The following SLC7A5 variants were observed in gnomAD, a reference collection of about 807,000 sequenced individuals.
SLC7A5 encodes large neutral amino acids transporter small subunit 1.
A neutral mutation model predicts 50.2 loss-of-function variants in SLC7A5; 23 were observed. That is an observed-to-expected ratio of 0.46 (90% CI 0.33 to 0.65). The LOEUF (loss-of-function observed/expected upper bound fraction) is 0.65, where lower values mean the gene tolerates loss of function less well. SLC7A5 is among the 30% of genes least tolerant of loss of function. SLC7A5 has a pLI of 0.02. For synonymous variants in SLC7A5, 393 were observed against 330.6 expected, an observed-to-expected ratio of 1.19 and a Z score of -2.05; for missense variants, 578 against 684.4, an observed-to-expected ratio of 0.84 and a Z score of 1.73.
intron 5 of SLC7A5, 90 bp from the exon 6 acceptor site, chr16:87,838,907 C>T: frequency 2.1e-6 from 2 of 949,538 alleles, no homozygotes; most frequent in Non-Finnish European, 3.4e-6. Flanking sequence ...CGGGCCAGCC[C>T]TCGCCCTCTG....
At chr16:87,858,743 G>T (rs962149885) in intron 1 of SLC7A5, among the ~76,000 whole-genome samples, 3 of 152,122 alleles carry the variant, frequency 2.0e-5, no homozygotes, top group Admixed American at 6.6e-5. Flanking sequence ...CCTGGCCAGC[G>T]TCCAAGCCAG....
At chr16:87,840,522 A>G (rs1464758469) in intron 3 of SLC7A5, 49 bp from the exon 4 acceptor site, 2 of 1,475,046 alleles carry the variant, frequency 1.4e-6, no homozygotes, top group African/African-American at 1.4e-5. Context: ...CATCAGGGAA[A>G]ATAAATCACC....
rs912759037 is a variant in SLC7A5, at chr16:87,860,729, G to A, written c.538+8156C>T. ...GTAGTGACAGATGCTGGCCCACCCC[G>A]AGGTCAGGATGACTCAGCAGGGATC... On this transcript the variant is annotated intron_variant, in intron 1 of 9. Coordinates refer to ENST00000261622, the MANE Select transcript of SLC7A5 (RefSeq NM_003486.7). The surrounding 1 kb of genome is among the most constrained non-coding windows in gnomAD (Gnocchi z 4.8). Among the ~76,000 whole-genome samples the A allele has an allele frequency of 3.9e-5, 6 of 152,220 alleles. No individual in the cohort carries two copies. The highest frequency in any genetic ancestry group is 1.2e-4 in the African/African-American group (5 of 41,460).
intron 1 of SLC7A5, among the ~76,000 whole-genome samples, chr16:87,864,120 T>A (rs974725585): frequency 4.0e-5 from 6 of 149,574 alleles, no homozygotes; most frequent in Non-Finnish European, 7.4e-5. Flanking sequence ...GGAGAAACCC[T>A]GTCTCTACTA....
intron 1 of SLC7A5, among the ~76,000 whole-genome samples, chr16:87,855,306 C>T (rs769920253): frequency 5.3e-5 from 8 of 152,024 alleles, no homozygotes; most frequent in Admixed American, 1.3e-4. Context: ...GGGGTGGGGC[C>T]GGCAGTGATA....
chr16:87,864,243 G>C (rs1320772849), intron 1 of SLC7A5, among the ~76,000 whole-genome samples: 4 of 151,626 alleles, frequency 2.6e-5, no homozygotes, highest in Admixed American at 6.6e-5. Flanking sequence ...AGTGAGCCGA[G>C]ATCGTGCCAT....
chr16:87,857,663 A>T (rs2055338062), intron 1 of SLC7A5, among the ~76,000 whole-genome samples: 1 of 152,214 alleles, frequency 6.6e-6, no homozygotes, highest in African/African-American at 2.4e-5. Context: ...CCGGACATAC[A>T]GATGTCCCTG....
chr16:87,850,819 C>T lies in SLC7A5; in HGVS notation c.664+905G>A, dbSNP rs181383333. Among the ~76,000 whole-genome samples, 73 of 152,324 alleles carry T rather than the reference C, an allele frequency of 4.8e-4. 1 individual carries two copies. The highest frequency in any genetic ancestry group is 9.8e-4 in the Non-Finnish European group (67 of 68,040). ...TTATGAAACCCCAGCCCGACCTCAC[C>T]GCGGAATGGCAGTGTGGAAAGGGTG... On this transcript the variant is annotated intron_variant, in intron 2 of 9. Coordinates refer to ENST00000261622, the MANE Select transcript of SLC7A5 (RefSeq NM_003486.7).
chr16:87,845,149 C>A lies in SLC7A5; in HGVS notation c.665-3994G>T, dbSNP rs145385647. Among the ~76,000 whole-genome samples, 428 of 151,694 alleles carry A rather than the reference C, an allele frequency of 2.8e-3. 1 individual carries two copies. The highest frequency in any genetic ancestry group is 4.9e-3 in the Non-Finnish European group (334 of 67,978). ...CTAAAGCCAGTCTGTAGGCATCTGT[C>A]ACCACACATGAGGGGCCAACCGTGC... On this transcript the variant is annotated intron_variant, in intron 2 of 9. Transcript: ENST00000261622.
At chr16:87,864,332 A>C (rs1229461752) in intron 1 of SLC7A5, among the ~76,000 whole-genome samples, 1 of 151,988 alleles carries the variant, frequency 6.6e-6, no homozygotes. Context: ...AGTAAAATAA[A>C]TCACTTTCTA....
rs1260700579 is a variant in SLC7A5, at chr16:87,839,821, G to C, written c.820C>G (p.Leu274Val). 1 of 1,613,684 alleles carries C rather than the reference G, an allele frequency of 6.2e-7. No individual in the cohort carries two copies. Among genetic ancestry groups the C allele is most frequent in the Non-Finnish European group, 8.5e-7 (1 of 1,179,964 alleles). ...AGGGAGATGATGATGGCCAGGGGCA[G>C]GTTTCTGGAAAGAACAGGGACGACA... ...TEEMINPYRN[L>V]PLAIIISLPI... The change falls in exon 5 of 10, where the codon CTG becomes GTG. Residue 274 changes from leucine to valine, a missense_variant. Leu to Val is a conservative substitution (Grantham distance 32). Around this residue, in one of 2 missense-constraint regions of SLC7A5, gnomAD observed 465 missense variants for 594.6 expected, o/e 0.78. Transcript: ENST00000261622.
intron 1 of SLC7A5, among the ~76,000 whole-genome samples, chr16:87,863,986 A>AAAAATAT (rs376938738): frequency 3.6e-5 from 3 of 83,278 alleles, no homozygotes; most frequent in African/African-American, 1.2e-4. Context: ...ATCATTTAAA[A>AAAAATAT]ATATATATAT....
intron 2 of SLC7A5, among the ~76,000 whole-genome samples, chr16:87,842,080 C>T (rs926141256): frequency 4.6e-5 from 7 of 152,280 alleles, no homozygotes; most frequent in South Asian, 2.1e-4. Context: ...CAGACCACTG[C>T]GCTTCAGGAA....
At chr16:87,863,972 T>C (rs891979957) in intron 1 of SLC7A5, among the ~76,000 whole-genome samples, 3 of 107,562 alleles carry the variant, frequency 2.8e-5, no homozygotes, top group Admixed American at 1.1e-4. Context: ...CAACCTTATG[T>C]GTGATCATTT....
chr16:87,851,907 T>C lies in SLC7A5; in HGVS notation c.539-58A>G. 2.5e-6 allele frequency: 4 copies of C among 1,609,430 alleles called. No individual in the cohort carries two copies. In the South Asian group the frequency reaches 4.4e-5, roughly 18 times the overall value. On this transcript the variant is annotated intron_variant, in intron 1 of 9. Transcript: ENST00000261622. ...GGGCAGACAGACGCCAGCTCAGGGG[T>C]AGGCTGGGAGGTGACGACCCCACCC...
At chr16:87,865,705 A>G (rs1035607186) in intron 1 of SLC7A5, among the ~76,000 whole-genome samples, 2 of 152,198 alleles carry the variant, frequency 1.3e-5, no homozygotes, top group Admixed American at 6.5e-5. Context: ...ACTCCATCTC[A>G]AAGATAAAAT....
chr16:87,855,900 C>G (rs1418628317), intron 1 of SLC7A5, among the ~76,000 whole-genome samples: 1 of 152,166 alleles, frequency 6.6e-6, no homozygotes, highest in African/African-American at 2.4e-5. Flanking sequence ...GGATAGGGTT[C>G]AGGGTCAGCC....
In SLC7A5 at chr16:87,845,374, C is replaced by T. The variant is rs117246999; in HGVS notation, c.665-4219G>A. Among the ~76,000 whole-genome samples the T allele has an allele frequency of 5.7e-3, 871 of 152,268 alleles. 8 individuals carry two copies. The highest frequency in any genetic ancestry group is 9.0e-3 in the Non-Finnish European group (613 of 68,014). The stretch of plus-strand genomic sequence containing the variant: ...GCTCAGGGAAGTCGTGCAGTGACCG[C>T]CACATGGGTTCAGTCCAGAGCCCAG... On this transcript the variant is annotated intron_variant, in intron 2 of 9. Coordinates refer to ENST00000261622, the MANE Select transcript of SLC7A5 (RefSeq NM_003486.7).
At chr16:87,863,986 A>AATATAT (rs58063420) in intron 1 of SLC7A5, among the ~76,000 whole-genome samples, 2,626 of 83,256 alleles carry the variant, frequency 0.032, 196 homozygotes, top group African/African-American at 0.092. Flanking sequence ...ATCATTTAAA[A>AATATAT]ATATATATAT....
Sources: allele counts gnomAD v4.1 joint callset (sites outside exome capture counted in the v4.1 genomes callset), GRCh38; gene constraint gnomAD v4.1.1; regional missense constraint gnomAD v4.1.1; non-coding constraint Gnocchi (gnomAD v3.1); transcripts MANE v1.5; gene names NCBI Gene and HGNC (gene_info 2026-07-23, HGNC 2026-07-21).